The following CHCHD6 variants were observed in gnomAD, a reference collection of about 807,000 sequenced individuals.
CHCHD6 encodes the protein coiled-coil-helix-coiled-coil-helix domain containing 6.
A neutral mutation model predicts 32.3 loss-of-function variants in CHCHD6; 28 were observed. The observed-to-expected ratio is 0.87, with a 90% CI of 0.64 to 1.19. The LOEUF is 1.19. Ranked by LOEUF, CHCHD6 falls within the 50% of genes most tolerant of loss-of-function variation. The pLI is 0.00. For synonymous variants in CHCHD6, 122 were observed against 117.5 expected, an observed-to-expected ratio of 1.04 and a Z score of -0.25; for missense variants, 333 against 307.0, an observed-to-expected ratio of 1.08 and a Z score of -0.63.
intron 4 of CHCHD6, among the ~76,000 whole-genome samples, chr3:126,829,363 A>G (rs192980495): frequency 1.3e-5 from 2 of 152,156 alleles, no homozygotes; most frequent in Non-Finnish European, 2.9e-5. Flanking sequence ...AAGACCCATA[A>G]AAACAGGAAA....
In CHCHD6 at chr3:126,882,179, A is replaced by G. The variant is rs151152217; in HGVS notation, c.495+29449A>G. Reference sequence around the variant, plus strand: ...TCTGCCAGATACCCTCAGAGCCCCAAGCTATCCCCAGGTATCAGCAGGTAG... The same window carrying G: ...TCTGCCAGATACCCTCAGAGCCCCAGGCTATCCCCAGGTATCAGCAGGTAG... On this transcript the variant is annotated intron_variant, in intron 5 of 7. Coordinates refer to ENST00000290913, the MANE Select transcript of CHCHD6 (RefSeq NM_032343.3). Among the ~76,000 whole-genome samples the G allele has an allele frequency of 2.3e-3, 343 of 152,334 alleles. 1 individual carries two copies. Among genetic ancestry groups the G allele is most frequent in the Admixed American group, 5.2e-3 (79 of 15,298 alleles).
chr3:126,735,754 G>A (rs897949030), intron 4 of CHCHD6, among the ~76,000 whole-genome samples: 1 of 152,124 alleles, frequency 6.6e-6, no homozygotes. Context: ...ACACTTTCAG[G>A]GTACCATTGG....
intron 6 of CHCHD6, 96 bp downstream of exon 6, chr3:126,914,846 G>A (rs766316492): frequency 5.2e-5 from 38 of 737,508 alleles, no homozygotes; most frequent in Middle Eastern, 4.6e-4. Flanking sequence ...CTAATTTCAA[G>A]TTTCCCTAAT....
chr3:126,718,773 G>A (rs1050205463), intron 1 of CHCHD6, among the ~76,000 whole-genome samples: 3 of 152,224 alleles, frequency 2.0e-5, no homozygotes, highest in South Asian at 2.1e-4. Flanking sequence ...CATCAAGCAC[G>A]CAGCCCCGTC....
At chr3:126,862,161 C>T (rs1469173747) in intron 5 of CHCHD6, among the ~76,000 whole-genome samples, 4 of 92,950 alleles carry the variant, frequency 4.3e-5, no homozygotes, top group African/African-American at 1.1e-4. Flanking sequence ...CCTCCCCCTC[C>T]TCCACCATCA....
intron 4 of CHCHD6, among the ~76,000 whole-genome samples, chr3:126,757,471 G>A (rs1383502352): frequency 6.6e-6 from 1 of 152,132 alleles, no homozygotes; most frequent in African/African-American, 2.4e-5. Flanking sequence ...GAAAGTAAAG[G>A]GCTTTGTTTA....
At chr3:126,758,897 A>G (rs1367347135) in intron 4 of CHCHD6, among the ~76,000 whole-genome samples, 4 of 152,242 alleles carry the variant, frequency 2.6e-5, no homozygotes, top group African/African-American at 9.6e-5. Flanking sequence ...TTTCCTTTTG[A>G]CTGGTGTTCA....
At chr3:126,794,952 C>A (rs976429641) in intron 4 of CHCHD6, among the ~76,000 whole-genome samples, 1 of 152,158 alleles carries the variant, frequency 6.6e-6, no homozygotes, top group Non-Finnish European at 1.5e-5. Flanking sequence ...AGAGCCACAT[C>A]AACGGATAGA....
At position 126,783,445 on chromosome 3, in the gene CHCHD6, G is replaced by A. The variant is rs191623866; in HGVS notation, c.411+50223G>A. On this transcript the variant is annotated intron_variant, in intron 4 of 7. Transcript: ENST00000290913. ...ATTCAACACAGGGCTCGAAGTCCTA[G>A]CCAGAGCAGTCAGGCAAGAAAATGA... Among the ~76,000 whole-genome samples the A allele has an allele frequency of 8.1e-4, 124 of 152,304 alleles. 1 individual carries two copies. Among genetic ancestry groups the A allele is most frequent in the African/African-American group, 3.0e-3 (124 of 41,562 alleles).
At chr3:126,844,152 A>T (rs1246050390) in intron 4 of CHCHD6, among the ~76,000 whole-genome samples, 5 of 152,188 alleles carry the variant, frequency 3.3e-5, no homozygotes, top group African/African-American at 1.2e-4. Flanking sequence ...CATTTCAGTG[A>T]CTGTTCCATG....
At chr3:126,723,130 A>G (rs1006235681) in intron 1 of CHCHD6, among the ~76,000 whole-genome samples, 1 of 152,198 alleles carries the variant, frequency 6.6e-6, no homozygotes, top group African/African-American at 2.4e-5. Flanking sequence ...AGGTTTCTTT[A>G]TGGCCTCCTT....
chr3:126,916,892 C>A lies in CHCHD6; in HGVS notation c.566+2142C>A, dbSNP rs553175779. 1.2e-4 allele frequency among the ~76,000 whole-genome samples: 18 copies of A among 152,346 alleles called. No individual in the cohort carries two copies. The South Asian group carries it at 3.7e-3, about 32-fold the overall frequency. On this transcript the variant is annotated intron_variant, in intron 6 of 7. Transcript: ENST00000290913. ...GAGCAGCTTCTTCCAAGGCCAATGG[C>A]CCCTCCCTTTCTACCTGGAGCCAGG... is the stretch of plus-strand genomic sequence containing the variant.
At chr3:126,880,688 G>C (rs1297986628) in intron 5 of CHCHD6, among the ~76,000 whole-genome samples, 1 of 152,168 alleles carries the variant, frequency 6.6e-6, no homozygotes, top group Non-Finnish European at 1.5e-5. Context: ...TTAAGGATGA[G>C]TAAAAGGGAA....
chr3:126,721,888 CTTTCAAGG>C (rs1327665378), intron 1 of CHCHD6, among the ~76,000 whole-genome samples: 3 of 152,160 alleles, frequency 2.0e-5, no homozygotes, highest in Non-Finnish European at 4.4e-5. Flanking sequence ...TAGCGTAGTG[CTTTCAAGG>C]TTTCTCCATG....
At chr3:126,792,783 T>A (rs1412915445) in intron 4 of CHCHD6, among the ~76,000 whole-genome samples, 2 of 152,172 alleles carry the variant, frequency 1.3e-5, no homozygotes, top group Non-Finnish European at 2.9e-5. Flanking sequence ...GTTCAGTTCT[T>A]CTATATTCTT....
At chr3:126,899,801 A>G (rs950629431) in intron 5 of CHCHD6, among the ~76,000 whole-genome samples, 2 of 152,238 alleles carry the variant, frequency 1.3e-5, no homozygotes, top group African/African-American at 4.8e-5. Flanking sequence ...CATGCTTAGC[A>G]TGAACCTTAC....
chr3:126,851,446 GC>G (rs1941471145), intron 4 of CHCHD6, among the ~76,000 whole-genome samples: 1 of 152,246 alleles, frequency 6.6e-6, no homozygotes, highest in Non-Finnish European at 1.5e-5. Context: ...GCTAGCTTGT[GC>G]TCTTGTGGGT....
rs577144448 is a variant in CHCHD6 at position 126,929,848 on chromosome 3, G to A, written c.566+15098G>A. On this transcript the variant is annotated intron_variant, in intron 6 of 7. Coordinates refer to ENST00000290913, the MANE Select transcript of CHCHD6 (RefSeq NM_032343.3). ...CCCAAGGTGCTGGGATTACAGGCAT[G>A]AGCCACCACCTGACCCCTTCCAACT... 2.8e-4 allele frequency among the ~76,000 whole-genome samples: 43 copies of A among 152,324 alleles called. 1 individual carries two copies. Among genetic ancestry groups the A allele is most frequent in the African/African-American group, 9.9e-4 (41 of 41,572 alleles).
intron 4 of CHCHD6, among the ~76,000 whole-genome samples, chr3:126,758,424 A>G (rs1022731513): frequency 2.0e-5 from 3 of 152,194 alleles, no homozygotes; most frequent in African/African-American, 7.2e-5. Context: ...AGCATGTTAC[A>G]CTGTGTCTTT....
Sources: allele counts gnomAD v4.1 joint callset (sites outside exome capture counted in the v4.1 genomes callset), GRCh38; gene constraint gnomAD v4.1.1; transcripts MANE v1.5; gene names NCBI Gene and HGNC (gene_info 2026-07-23, HGNC 2026-07-21).